The following SGCZ variants were observed in gnomAD, a reference collection of about 807,000 sequenced individuals.
The protein encoded by SGCZ is zeta-sarcoglycan.
Under a neutral mutation model 41.3 loss-of-function variants are expected in SGCZ, and 40 were observed. The ratio of observed to expected loss-of-function variants is 0.97; its 90% CI spans 0.75 to 1.26. The LOEUF is 1.26. SGCZ is among the 50% of genes most tolerant of loss of function. SGCZ has a pLI of 0.00. For missense variants in SGCZ, 552 were observed against 369.8 expected (o/e 1.49, Z -4.04); for synonymous variants, 206 against 137.5 (o/e 1.50, Z -3.49).
At chr8:14,551,329 T>C (rs1360254396) in intron 2 of SGCZ, among the ~76,000 whole-genome samples, 1 of 141,370 alleles carries the variant, frequency 7.1e-6, no homozygotes, top group East Asian at 2.1e-4. Flanking sequence ...TAGACTAGTC[T>C]ATTAACTAAA....
chr8:14,575,960 A>AT (rs1257001358), intron 1 of SGCZ, among the ~76,000 whole-genome samples: 1 of 151,642 alleles, frequency 6.6e-6, no homozygotes, highest in Non-Finnish European at 1.5e-5. Context: ...GAGAGAAAGA[A>AT]TTGAATTACA....
intron 2 of SGCZ, among the ~76,000 whole-genome samples, chr8:14,367,284 A>G (rs566604824): frequency 7.9e-5 from 12 of 152,162 alleles, no homozygotes; most frequent in Non-Finnish European, 1.6e-4. Context: ...TATCACTATT[A>G]GCATTTTGGT....
intron 1 of SGCZ, among the ~76,000 whole-genome samples, chr8:14,720,305 T>C (rs1020494725): frequency 6.6e-6 from 1 of 152,094 alleles, no homozygotes; most frequent in African/African-American, 2.4e-5. Context: ...TCTAACTTGA[T>C]AAAACTTATA....
At chr8:15,237,536 C>T (rs760150614) in intron 1 of SGCZ, 49 bp downstream of exon 1, 15 of 1,567,758 alleles carry the variant, frequency 9.6e-6, no homozygotes, top group Non-Finnish European at 3.5e-6. Context: ...GAGGGGAGAG[C>T]AGGGAGCGCC....
intron 1 of SGCZ, among the ~76,000 whole-genome samples, chr8:14,642,536 G>T (rs1410893556): frequency 6.6e-6 from 1 of 151,300 alleles, no homozygotes; most frequent in Non-Finnish European, 1.5e-5. Context: ...TCTTCTAACA[G>T]CTTAGTTTAA....
chr8:14,682,714 G>T (rs111469538), intron 1 of SGCZ, among the ~76,000 whole-genome samples: 3 of 152,134 alleles, frequency 2.0e-5, no homozygotes. Context: ...GATTACAGGC[G>T]TGAGCCACCA....
chr8:14,477,717 G>T (rs1244369985), intron 2 of SGCZ, among the ~76,000 whole-genome samples: 1 of 152,092 alleles, frequency 6.6e-6, no homozygotes, highest in Non-Finnish European at 1.5e-5. Context: ...CTAAGAATAT[G>T]CTACTCCAGA....
chr8:14,343,660 C>CA (rs989326079), intron 2 of SGCZ, among the ~76,000 whole-genome samples: 78 of 152,140 alleles, frequency 5.1e-4, no homozygotes, highest in African/African-American at 1.8e-3. Flanking sequence ...ATTTCGGAGC[C>CA]ATAGAGGATT....
intron 1 of SGCZ, among the ~76,000 whole-genome samples, chr8:15,235,308 C>T (rs529850773): frequency 6.6e-6 from 1 of 152,336 alleles, no homozygotes; most frequent in Admixed American, 6.5e-5. Flanking sequence ...AAACTGCCAA[C>T]ATAAATTTAT....
intron 1 of SGCZ, among the ~76,000 whole-genome samples, chr8:15,134,329 C>A (rs1391109644): frequency 6.9e-6 from 1 of 144,132 alleles, no homozygotes; most frequent in African/African-American, 2.5e-5. Context: ...TTCTTTACTT[C>A]CAATAATTTG....
At chr8:15,204,854 T>G (rs977312236) in intron 1 of SGCZ, among the ~76,000 whole-genome samples, 1 of 152,172 alleles carries the variant, frequency 6.6e-6, no homozygotes, top group African/African-American at 2.4e-5. Flanking sequence ...GAACTATCTG[T>G]AGACAGGATT....
intron 1 of SGCZ, among the ~76,000 whole-genome samples, chr8:15,164,495 G>A (rs908268377): frequency 1.3e-5 from 2 of 152,032 alleles, no homozygotes; most frequent in African/African-American, 2.4e-5. Flanking sequence ...CAGCCCAGGG[G>A]TTTTACTCCC....
chr8:15,040,024 T>G (rs372417593), intron 1 of SGCZ, among the ~76,000 whole-genome samples: 2 of 152,228 alleles, frequency 1.3e-5, no homozygotes, highest in East Asian at 1.9e-4. Flanking sequence ...AGCAAGTGAT[T>G]GACTATTTTG....
intron 1 of SGCZ, among the ~76,000 whole-genome samples, chr8:15,003,753 A>C (rs1446100690): frequency 6.6e-6 from 1 of 152,192 alleles, no homozygotes; most frequent in Admixed American, 6.5e-5. Flanking sequence ...GAGTGGTTCC[A>C]GAGAACTAAT....
chr8:14,178,150 C>CCACAAA (rs1804611863), intron 4 of SGCZ, among the ~76,000 whole-genome samples: 1 of 151,578 alleles, frequency 6.6e-6, no homozygotes, highest in Non-Finnish European at 1.5e-5. Context: ...GATGGGGTTT[C>CCACAAA]ACCATGTTGG....
At chr8:14,678,533 C>T (rs774844019) in intron 1 of SGCZ, among the ~76,000 whole-genome samples, 18 of 152,188 alleles carry the variant, frequency 1.2e-4, no homozygotes, top group Admixed American at 3.3e-4. Flanking sequence ...ATATTGACAA[C>T]ACCAAATGCT....
In SGCZ at chr8:15,033,197, G is replaced by A. The variant is rs145294639; in HGVS notation, c.39+204388C>T. On this transcript the variant is annotated intron_variant, in intron 1 of 7. Transcript: ENST00000382080. ...TCATGTGAACCAAGGTTTCAGGCAGGCCCCTGTGGCCCTAGGAATCAGGCC... is the reference window on the plus strand; with the variant it reads ...TCATGTGAACCAAGGTTTCAGGCAGACCCCTGTGGCCCTAGGAATCAGGCC... Among the ~76,000 whole-genome samples, 932 of 150,684 alleles carry A rather than the reference G, an allele frequency of 6.2e-3. 14 individuals carry two copies. The highest frequency in any genetic ancestry group is 0.054 in the Middle Eastern group (15 of 280).
chr8:14,695,223 T>C (rs770332640), intron 1 of SGCZ, among the ~76,000 whole-genome samples: 15 of 152,194 alleles, frequency 9.9e-5, no homozygotes, highest in Non-Finnish European at 2.9e-5. Context: ...AATGATGTAT[T>C]GCCATCACAA....
At position 14,087,495 on chromosome 8, in the gene SGCZ, C is replaced by A. The variant is rs985003232; in HGVS notation, c.*2948G>T. ...TCTTCTTCCGTTTGTTCCTTCCTGG[C>A]GTACACTGAGTATGAAGTTATTAAG... On this transcript the variant is annotated 3_prime_UTR_variant, in exon 8 of 8. Coordinates refer to ENST00000382080, the MANE Select transcript of SGCZ (RefSeq NM_139167.4). Among the ~76,000 whole-genome samples the A allele has an allele frequency of 6.6e-6, 1 of 151,400 alleles. No individual in the cohort carries two copies. The highest frequency in any genetic ancestry group is 1.5e-5 in the Non-Finnish European group (1 of 67,696).
Sources: allele counts gnomAD v4.1 joint callset (sites outside exome capture counted in the v4.1 genomes callset), GRCh38; gene constraint gnomAD v4.1.1; transcripts MANE v1.5; gene names NCBI Gene and HGNC (gene_info 2026-07-23, HGNC 2026-07-21).